The following TPRG1 variants were observed in gnomAD, a reference collection of about 807,000 sequenced individuals.
TPRG1 encodes the protein tumor protein p63 regulated 1.
In TPRG1, 29 loss-of-function variants were observed where a neutral mutation model predicts 29.3. The ratio of observed to expected loss-of-function variants is 0.99; its 90% CI spans 0.74 to 1.35. The LOEUF is 1.35. Ranked by LOEUF, TPRG1 falls within the 40% of genes most tolerant of loss-of-function variation. The pLI is 0.00. For synonymous variants in TPRG1, 130 were observed against 116.8 expected, an observed-to-expected ratio of 1.11 and a Z score of -0.73; for missense variants, 327 against 335.0, an observed-to-expected ratio of 0.98 and a Z score of 0.19.
chr3:189,179,081 T>G (rs754980063), intron 1 of TPRG1, among the ~76,000 whole-genome samples: 1 of 152,214 alleles, frequency 6.6e-6, no homozygotes, highest in Non-Finnish European at 1.5e-5. Context: ...GTTCTCACAT[T>G]AATGTCTTCC....
At chr3:189,116,939 A>G (rs937009290) in intron 1 of TPRG1, among the ~76,000 whole-genome samples, 1 of 152,214 alleles carries the variant, frequency 6.6e-6, no homozygotes, top group Non-Finnish European at 1.5e-5. Context: ...TGTTATGTAT[A>G]TTTTACCACA....
chr3:189,316,275 A>T (rs1220175480), intron 5 of TPRG1, among the ~76,000 whole-genome samples: 1 of 152,190 alleles, frequency 6.6e-6, no homozygotes, highest in South Asian at 2.1e-4. Context: ...CAGGGGCTCT[A>T]TGAGGATAAT....
At chr3:189,303,638 T>A (rs1721179506) in intron 4 of TPRG1, among the ~76,000 whole-genome samples, 1 of 152,224 alleles carries the variant, frequency 6.6e-6, no homozygotes, top group Admixed American at 6.5e-5. Context: ...CCTAACTTGG[T>A]CTGTAAACTC....
intron 4 of TPRG1, among the ~76,000 whole-genome samples, chr3:189,061,672 C>T (rs1716113805): frequency 6.6e-6 from 1 of 151,838 alleles, no homozygotes; most frequent in South Asian, 2.1e-4. Context: ...ATGTGGCCAA[C>T]AAGCATATTT....
chr3:189,243,464 A>G (rs1740931672), intron 4 of TPRG1, among the ~76,000 whole-genome samples: 1 of 152,006 alleles, frequency 6.6e-6, no homozygotes, highest in East Asian at 1.9e-4. Context: ...TGTTTTCCCT[A>G]TTGTCCTGGC....
At chr3:189,155,737 GA>G (rs1188943434) in intron 5 of TPRG1, among the ~76,000 whole-genome samples, 1 of 152,216 alleles carries the variant, frequency 6.6e-6, no homozygotes, top group Non-Finnish European at 1.5e-5. Context: ...GCCAAGCACA[GA>G]AAGACAAATA....
In TPRG1 at chr3:189,215,431, C is replaced by T. The variant is rs775040204; in HGVS notation, c.302+48C>T. ...AGGGCCGTGGAAATACAGCGTTTTC[C>T]TTGACATCACTGTAGCAGAATAGGA... is the stretch of plus-strand genomic sequence containing the variant. On this transcript the variant is annotated intron_variant, in intron 3 of 5. Coordinates refer to ENST00000345063, the MANE Select transcript of TPRG1 (RefSeq NM_198485.4). The T allele has an allele frequency of 2.5e-5, 36 of 1,456,976 alleles. No homozygotes were observed. The South Asian group carries it at 4.0e-4, about 16-fold the overall frequency. The allele number at this position is 1,456,976 out of a possible 1,614,324, so 90.3% of individuals were successfully genotyped here.
chr3:189,006,785 G>A (rs1409267320), intron 3 of TPRG1, among the ~76,000 whole-genome samples: 7 of 152,018 alleles, frequency 4.6e-5, no homozygotes, highest in East Asian at 1.9e-4. Flanking sequence ...TTAGCTTCTC[G>A]CCTAAGTGTT....
chr3:189,123,487 G>A (rs1049782923), intron 1 of TPRG1: 1 of 152,118 alleles, frequency 6.6e-6, no homozygotes, highest in Non-Finnish European at 1.5e-5. Flanking sequence ...AAAATGAAAG[G>A]AACCTGCTAC....
At chr3:189,161,834 G>A (rs1420760518) in intron 5 of TPRG1, among the ~76,000 whole-genome samples, 1 of 152,130 alleles carries the variant, frequency 6.6e-6, no homozygotes, top group East Asian at 1.9e-4. Flanking sequence ...AAAAGGATAT[G>A]GAGGGTCAAG....
rs1319739195 is a variant in TPRG1, at chr3:189,257,324, A to G, written c.479+18415A>G. Among the ~76,000 whole-genome samples, 9 of 152,290 alleles carry G rather than the reference A, an allele frequency of 5.9e-5. No individual in the cohort carries two copies. The East Asian group carries it at 1.3e-3, about 23-fold the overall frequency. On this transcript the variant is annotated intron_variant, in intron 4 of 5. Transcript: ENST00000345063. ...AAATTCTTTTCTTTAAGAATGTTGA[A>G]TGTTGGTCCCCACTCTCTTCTGGCT... is the stretch of plus-strand genomic sequence containing the variant.
chr3:189,202,096 C>T (rs957261265), intron 1 of TPRG1, among the ~76,000 whole-genome samples: 1 of 152,162 alleles, frequency 6.6e-6, no homozygotes, highest in Non-Finnish European at 1.5e-5. Flanking sequence ...GCCTTTCACA[C>T]TGATTAAAAA....
At chr3:189,068,739 G>A (rs568018947) in intron 4 of TPRG1, among the ~76,000 whole-genome samples, 1 of 152,194 alleles carries the variant, frequency 6.6e-6, no homozygotes, top group South Asian at 2.1e-4. Flanking sequence ...TTGTGCCACT[G>A]CACTCCAGCC....
At chr3:189,256,988 A>G (rs1291015938) in intron 4 of TPRG1, among the ~76,000 whole-genome samples, 1 of 152,006 alleles carries the variant, frequency 6.6e-6, no homozygotes, top group Non-Finnish European at 1.5e-5. Context: ...TTAATTGGAG[A>G]ATTTAGACTT....
At chr3:189,060,598 C>G (rs1716036519) in intron 4 of TPRG1, among the ~76,000 whole-genome samples, 1 of 152,138 alleles carries the variant, frequency 6.6e-6, no homozygotes. Flanking sequence ...AATAAAGTTT[C>G]AGGACATAAA....
chr3:189,249,478 T>C (rs755435592), intron 4 of TPRG1, among the ~76,000 whole-genome samples: 8 of 152,062 alleles, frequency 5.3e-5, no homozygotes, highest in Admixed American at 3.9e-4. Flanking sequence ...GCATACATCC[T>C]ATAATTGAAT....
intron 4 of TPRG1, among the ~76,000 whole-genome samples, chr3:189,086,627 A>G (rs1717962086): frequency 1.3e-5 from 2 of 151,250 alleles, no homozygotes; most frequent in African/African-American, 4.9e-5. Context: ...TCCCGGATTC[A>G]AGTGATTCTC....
intron 5 of TPRG1, among the ~76,000 whole-genome samples, chr3:189,315,211 A>C (rs1420460799): frequency 6.6e-6 from 1 of 152,108 alleles, no homozygotes; most frequent in Non-Finnish European, 1.5e-5. Context: ...CTGAAATCAT[A>C]TAATAATAGT....
At chr3:189,030,293 CAA>C (rs1713865681) in intron 4 of TPRG1, among the ~76,000 whole-genome samples, 2 of 152,048 alleles carry the variant, frequency 1.3e-5, no homozygotes, top group Admixed American at 1.3e-4. Flanking sequence ...CCAGAATTAG[CAA>C]AAGATATAAA....
Sources: gnomAD v4.1 joint callset for allele counts (sites outside exome capture counted in the v4.1 genomes callset) on GRCh38, gnomAD v4.1.1 for gene constraint, MANE v1.5 for transcripts, NCBI Gene and HGNC (gene_info 2026-07-23, HGNC 2026-07-21) for gene names.